DIAPH3: variants seen among roughly 807,000 people sequenced by gnomAD.
DIAPH3 encodes the protein diaphanous related formin 3.
In DIAPH3, 117 loss-of-function variants were observed where a neutral mutation model predicts 144.3. The observed-to-expected ratio is 0.81, with a 90% CI of 0.70 to 0.95. The LOEUF (loss-of-function observed/expected upper bound fraction) is 0.95. Among genes scored for constraint, DIAPH3 ranks in the 40% least tolerant of loss-of-function variants. DIAPH3 has a pLI of 0.00. For missense variants in DIAPH3, 1,421 were observed against 1,412.7 expected, an observed-to-expected ratio of 1.01 and a Z score of -0.09; for synonymous variants, 519 against 488.9, an observed-to-expected ratio of 1.06 and a Z score of -0.81.
At chr13:59,868,120 A>G (rs1451399952) in intron 21 of DIAPH3, among the ~76,000 whole-genome samples, 1 of 152,108 alleles carries the variant, frequency 6.6e-6, no homozygotes, top group African/African-American at 2.4e-5. Flanking sequence ...TAAAACCTCC[A>G]GGAAAATGAT....
At chr13:59,921,746 C>T (rs1007954323) in intron 18 of DIAPH3, among the ~76,000 whole-genome samples, 1 of 152,018 alleles carries the variant, frequency 6.6e-6, no homozygotes, top group African/African-American at 2.4e-5. Context: ...GGCTGGCATT[C>T]CCCTGAAACC....
chr13:59,993,702 T>TAAAAAAAAAAAAAAAAAAAAAA (rs3078724), intron 9 of DIAPH3, among the ~76,000 whole-genome samples: 10 of 73,860 alleles, frequency 1.4e-4, no homozygotes, highest in African/African-American at 4.3e-4. Flanking sequence ...GAAACATACT[T>TAAAAAAAAAAAAAAAAAAAAAA]AAAAAAAAAA....
At chr13:59,812,248 G>GCATGCATC (rs1480099343) in intron 24 of DIAPH3, among the ~76,000 whole-genome samples, 5 of 150,022 alleles carry the variant, frequency 3.3e-5, no homozygotes, top group Admixed American at 1.3e-4. Flanking sequence ...ATGCATGCAT[G>GCATGCATC]CATCCATCCA....
chr13:59,962,722 A>C (rs1022916615), intron 17 of DIAPH3, among the ~76,000 whole-genome samples: 2 of 151,992 alleles, frequency 1.3e-5, no homozygotes, highest in African/African-American at 4.8e-5. Context: ...TTAAAAAAAA[A>C]CACATTTACA....
At chr13:59,811,540 C>T (rs2040474658) in intron 24 of DIAPH3, among the ~76,000 whole-genome samples, 1 of 151,934 alleles carries the variant, frequency 6.6e-6, no homozygotes, top group Non-Finnish European at 1.5e-5. Flanking sequence ...AGATCGAGAC[C>T]ATCCTGGCTA....
intron 17 of DIAPH3, among the ~76,000 whole-genome samples, chr13:59,925,284 G>C (rs771315497): frequency 1.3e-5 from 2 of 152,016 alleles, no homozygotes; most frequent in Non-Finnish European, 1.5e-5. Flanking sequence ...AACTAAAACA[G>C]TCATTTTATG....
chr13:60,040,226 C>CAAAAAAAAAA lies in DIAPH3; in HGVS notation c.626+2454_626+2463dup, dbSNP rs5803983. 5.7e-5 allele frequency among the ~76,000 whole-genome samples: 2 copies of CAAAAAAAAAA among 34,838 alleles called. 1 individual carries two copies. Among genetic ancestry groups the CAAAAAAAAAA allele is most frequent in the Non-Finnish European group, 9.2e-5 (2 of 21,720 alleles). The allele number at this position is 34,838 out of a possible 152,430, so 22.9% of individuals were successfully genotyped here. A position where few individuals can be genotyped will look rare whatever the true frequency, so the allele number is the denominator to read the frequency against. On this transcript the variant is annotated intron_variant, in intron 5 of 27. Coordinates refer to ENST00000400324, the MANE Select transcript of DIAPH3 (RefSeq NM_001042517.2). The stretch of plus-strand genomic sequence containing the variant: ...TGGGCAAAAGAGTGAGACTCCATCT[C>CAAAAAAAAAA]AAAAAAAAAAAAAAAAAAAAAAAAA...
chr13:59,864,991 G>A (rs886786937), intron 21 of DIAPH3, among the ~76,000 whole-genome samples: 2 of 152,010 alleles, frequency 1.3e-5, no homozygotes, highest in African/African-American at 4.8e-5. Context: ...CAGAAAAGAA[G>A]CATGTTGTTG....
At chr13:60,156,703 C>T (rs1820550150) in intron 1 of DIAPH3, among the ~76,000 whole-genome samples, 1 of 151,574 alleles carries the variant, frequency 6.6e-6, no homozygotes, top group Admixed American at 6.6e-5. Flanking sequence ...ATTTCTGGCT[C>T]CCCAGGTTCT....
chr13:59,978,896 T>C (rs2050827642), intron 14 of DIAPH3, among the ~76,000 whole-genome samples: 1 of 151,714 alleles, frequency 6.6e-6, no homozygotes, highest in African/African-American at 2.4e-5. Flanking sequence ...TACAAGAAGG[T>C]TGATAATTCA....
Position 59,853,354 on chromosome 13 carries a change from A to T in DIAPH3, c.2737+8053T>A, listed in dbSNP as rs567354919. Among the ~76,000 whole-genome samples the T allele has an allele frequency of 2.0e-5, 3 of 152,292 alleles. No individual in the cohort carries two copies. The South Asian group carries it at 6.2e-4, about 32-fold the overall frequency. ...GGTTTGGATTTGTGTCCCCTCCCAA[A>T]TCTCACGTTGAATTGTGATCCCCAG... On this transcript the variant is annotated intron_variant, in intron 22 of 27. Transcript: ENST00000400324.
chr13:59,797,116 T>C (rs955630064), intron 25 of DIAPH3, among the ~76,000 whole-genome samples: 2 of 152,096 alleles, frequency 1.3e-5, no homozygotes, highest in Non-Finnish European at 2.9e-5. Flanking sequence ...ATGTCAATAG[T>C]TTTAGTAAAT....
intron 27 of DIAPH3, among the ~76,000 whole-genome samples, chr13:59,678,394 C>T (rs1283895619): frequency 6.6e-6 from 1 of 152,180 alleles, no homozygotes; most frequent in East Asian, 1.9e-4. Context: ...ACTACTGCCT[C>T]CTACTGTCAG....
At chr13:59,963,809 T>C (rs992870524) in intron 17 of DIAPH3, among the ~76,000 whole-genome samples, 1 of 152,192 alleles carries the variant, frequency 6.6e-6, no homozygotes. Flanking sequence ...CCTCCTGTCT[T>C]GGCCTCCCAA....
chr13:59,709,981 A>G (rs1593635419), intron 27 of DIAPH3, among the ~76,000 whole-genome samples: 1 of 152,112 alleles, frequency 6.6e-6, no homozygotes, highest in Non-Finnish European at 1.5e-5. Context: ...CATTCTCAGT[A>G]AACTATCGCA....
At chr13:59,910,177 A>T (rs148572023) in intron 20 of DIAPH3, among the ~76,000 whole-genome samples, 4 of 40,154 alleles carry the variant, frequency 1.0e-4, no homozygotes, top group Admixed American at 7.5e-4. Context: ...AAACATAGGT[A>T]AAAAAAAAAC....
intron 3 of DIAPH3, among the ~76,000 whole-genome samples, chr13:60,100,351 C>G (rs896759348): frequency 6.6e-6 from 1 of 152,002 alleles, no homozygotes; most frequent in Non-Finnish European, 1.5e-5. Context: ...TTGAGAGCAC[C>G]CTACAAAATA....
intron 18 of DIAPH3, among the ~76,000 whole-genome samples, chr13:59,923,874 G>T (rs558391294): frequency 1.4e-4 from 21 of 152,260 alleles, no homozygotes; most frequent in Admixed American, 1.2e-3. Context: ...TTCATAAAAG[G>T]AATGCCAACT....
At chr13:59,932,266 C>A (rs1333965498) in intron 17 of DIAPH3, among the ~76,000 whole-genome samples, 1 of 152,050 alleles carries the variant, frequency 6.6e-6, no homozygotes, top group African/African-American at 2.4e-5. Flanking sequence ...AGAAAAACGT[C>A]AAAGACACAA....
Sources: gnomAD v4.1 joint callset for allele counts (sites outside exome capture counted in the v4.1 genomes callset) on GRCh38, gnomAD v4.1.1 for gene constraint, MANE v1.5 for transcripts, NCBI Gene and HGNC (gene_info 2026-07-23, HGNC 2026-07-21) for gene names.